Variants in RBFOX1 observed in about 807,000 individuals in gnomAD.
RBFOX1 encodes the protein RNA binding protein fox-1 homolog 1.
Under a neutral mutation model 57.7 loss-of-function variants are expected in RBFOX1, and 8 were observed. The ratio of observed to expected loss-of-function variants is 0.14; its 90% CI spans 0.08 to 0.25. The LOEUF (loss-of-function observed/expected upper bound fraction) is 0.25, where lower values mean the gene tolerates loss of function less well. RBFOX1 is among the 10% of genes least tolerant of loss of function. RBFOX1 has a pLI of 1.00. For synonymous variants in RBFOX1, 326 were observed against 222.4 expected (o/e 1.47, Z -4.15); for missense variants, 611 against 548.5 (o/e 1.11, Z -1.14).
chr16:5,658,489 T>C (rs2049529747), intron 3 of RBFOX1, among the ~76,000 whole-genome samples: 1 of 152,096 alleles, frequency 6.6e-6, no homozygotes, highest in Admixed American at 6.6e-5. Flanking sequence ...CCCTGGAAAA[T>C]GGCAGTGATT....
intron 2 of RBFOX1, among the ~76,000 whole-genome samples, chr16:6,532,474 C>G (rs1490814124): frequency 6.6e-6 from 1 of 152,158 alleles, no homozygotes. Context: ...CAGTTACTTT[C>G]TGCTTTAAGG....
intron 2 of RBFOX1, among the ~76,000 whole-genome samples, chr16:6,587,020 G>T (rs2097635464): frequency 6.6e-6 from 1 of 152,132 alleles, no homozygotes; most frequent in South Asian, 2.1e-4. Flanking sequence ...TTGTGTGTGT[G>T]TGTGTGTGTT....
At chr16:5,455,973 C>T (rs2068618579) in intron 1 of RBFOX1, among the ~76,000 whole-genome samples, 3 of 151,954 alleles carry the variant, frequency 2.0e-5, no homozygotes, top group African/African-American at 7.3e-5. Flanking sequence ...AATTAAATCT[C>T]ATGATTTTTG....
At chr16:6,773,002 ATGTG>A (rs138195500) in intron 3 of RBFOX1, among the ~76,000 whole-genome samples, 6 of 73,678 alleles carry the variant, frequency 8.1e-5, no homozygotes, top group South Asian at 4.8e-4. Flanking sequence ...TGGGGTGCAT[ATGTG>A]TGTGTGTGTG....
chr16:5,631,285 G>T (rs560700352), intron 3 of RBFOX1, among the ~76,000 whole-genome samples: 1 of 152,170 alleles, frequency 6.6e-6, no homozygotes, highest in Non-Finnish European at 1.5e-5. Context: ...TCGGGCAGGC[G>T]TGGTGGCTTA....
At chr16:6,230,130 G>T (rs947079940) in intron 1 of RBFOX1, among the ~76,000 whole-genome samples, 3 of 151,924 alleles carry the variant, frequency 2.0e-5, no homozygotes, top group African/African-American at 7.2e-5. Context: ...AGACTTTATC[G>T]CAGAGAGCAA....
At chr16:6,710,571 C>G (rs192300067) in intron 3 of RBFOX1, among the ~76,000 whole-genome samples, 1 of 152,320 alleles carries the variant, frequency 6.6e-6, no homozygotes, top group East Asian at 1.9e-4. Context: ...CTGGCTGATC[C>G]GTTACCGGAA....
Position 7,657,990 on chromosome 16 carries a change from GCTTA to G in RBFOX1, c.890+4048_890+4051del, listed in dbSNP as rs200468183. On this transcript the variant is annotated intron_variant, in intron 12 of 15. Coordinates refer to ENST00000550418, the MANE Select transcript of RBFOX1 (RefSeq NM_018723.4). The stretch of plus-strand genomic sequence containing the variant: ...TATTCTACCCATACTGGCTTGGATA[GCTTA>G]CTTAACGTCTATAGACACAGTTTGC... Among the ~76,000 whole-genome samples, 1,426 of 152,274 alleles carry G rather than the reference GCTTA, an allele frequency of 9.4e-3. 21 individuals carry two copies. The highest frequency in any genetic ancestry group is 0.033 in the African/African-American group (1,356 of 41,540).
At chr16:7,037,228 CTTTTTTT>C (rs889539532) in intron 3 of RBFOX1, among the ~76,000 whole-genome samples, 3 of 80,552 alleles carry the variant, frequency 3.7e-5, no homozygotes, top group South Asian at 4.6e-4. Flanking sequence ...GTCTTAGCCT[CTTTTTTT>C]TTTTTTTTTT....
intron 7 of RBFOX1, among the ~76,000 whole-genome samples, chr16:7,589,594 GCTGA>G (rs1013034574): frequency 1.3e-5 from 2 of 151,918 alleles, no homozygotes; most frequent in Non-Finnish European, 2.9e-5. Context: ...AGGTGTTGGA[GCTGA>G]CTGTTTAGGT....
intron 4 of RBFOX1, among the ~76,000 whole-genome samples, chr16:7,094,767 T>TGG (rs1555466439): frequency 3.0e-3 from 422 of 141,010 alleles, no homozygotes; most frequent in African/African-American, 9.8e-3. Context: ...TGTGTGTGTG[T>TGG]GTGTGTGTGG....
chr16:7,218,062 C>T (rs940574584), intron 4 of RBFOX1, among the ~76,000 whole-genome samples: 1 of 132,892 alleles, frequency 7.5e-6, no homozygotes, highest in Non-Finnish European at 1.6e-5. Context: ...CATGCGTGTG[C>T]GTGTGTGTGT....
intron 1 of RBFOX1, among the ~76,000 whole-genome samples, chr16:6,046,561 A>C (rs753450557): frequency 2.6e-5 from 4 of 152,150 alleles, no homozygotes; most frequent in Non-Finnish European, 4.4e-5. Flanking sequence ...ATTAAACATT[A>C]CCGTATTAAA....
At chr16:5,339,340 T>C (rs539294800) in intron 1 of RBFOX1, among the ~76,000 whole-genome samples, 1 of 152,220 alleles carries the variant, frequency 6.6e-6, no homozygotes, top group African/African-American at 2.4e-5. Flanking sequence ...TTTAAACTAG[T>C]TCAGTGGGTT....
In RBFOX1 at chr16:5,946,789, A is replaced by G. The variant is rs1175990199; in HGVS notation, c.351+79454A>G. On this transcript the variant is annotated intron_variant, in intron 4 of 19. Coordinates refer to the RBFOX1 transcript ENST00000641259. The surrounding 1 kb of genome is among the most constrained non-coding windows in gnomAD (Gnocchi z 4.6). ...ATCTGATTCTAACTCCAGGTGGATC[A>G]TGTCAGAATTGAACTGTAGGACACC... Among the ~76,000 whole-genome samples the G allele has an allele frequency of 6.6e-6, 1 of 152,196 alleles. No individual in the cohort carries two copies. Among genetic ancestry groups the G allele is most frequent in the East Asian group, 1.9e-4 (1 of 5,184 alleles).
intron 4 of RBFOX1, among the ~76,000 whole-genome samples, chr16:5,997,638 C>T (rs1396177861): frequency 6.6e-6 from 1 of 152,064 alleles, no homozygotes; most frequent in African/African-American, 2.4e-5. Context: ...ATGAATTATG[C>T]CAAGGAAAAC....
intron 3 of RBFOX1, among the ~76,000 whole-genome samples, chr16:6,882,015 C>G (rs545867069): frequency 1.3e-5 from 2 of 152,106 alleles, no homozygotes; most frequent in South Asian, 2.1e-4. Context: ...CTAAAATCAC[C>G]AAAGACTCTA....
chr16:7,294,881 A>G (rs1322376373), intron 4 of RBFOX1, among the ~76,000 whole-genome samples: 2 of 152,168 alleles, frequency 1.3e-5, no homozygotes, highest in African/African-American at 2.4e-5. Context: ...ATTTTGTTCA[A>G]CAGACCAGAA....
At chr16:7,431,447 C>T (rs28558538) in intron 4 of RBFOX1, among the ~76,000 whole-genome samples, 49 of 151,600 alleles carry the variant, frequency 3.2e-4, no homozygotes, top group African/African-American at 1.1e-3. Flanking sequence ...TACTGTGTTG[C>T]CCAGACTGGT....
Sources: allele counts gnomAD v4.1 joint callset (sites outside exome capture counted in the v4.1 genomes callset), GRCh38; gene constraint gnomAD v4.1.1; non-coding constraint Gnocchi (gnomAD v3.1); transcripts MANE v1.5; gene names NCBI Gene and HGNC (gene_info 2026-07-23, HGNC 2026-07-21).